ANTXR1: variants seen among roughly 807,000 people sequenced by gnomAD.
The protein encoded by ANTXR1 is ANTXR cell adhesion molecule 1.
ANTXR1 carries 19 observed loss-of-function variants against 78.1 expected under a neutral mutation model. That is an observed-to-expected ratio of 0.24 (90% CI 0.17 to 0.36). ANTXR1 has a LOEUF of 0.36. Among genes scored for constraint, ANTXR1 ranks in the 10% least tolerant of loss-of-function variants. The pLI is 1.00. For synonymous variants in ANTXR1, 273 were observed against 260.5 expected, an observed-to-expected ratio of 1.05 and a Z score of -0.46; for missense variants, 518 against 718.6, an observed-to-expected ratio of 0.72 and a Z score of 3.19.
chr2:69,184,758 G>A (rs1467088514), intron 16 of ANTXR1, among the ~76,000 whole-genome samples: 2 of 152,210 alleles, frequency 1.3e-5, no homozygotes, highest in South Asian at 2.1e-4. Context: ...TATCAATTCA[G>A]TGAGTATTCA....
At chr2:69,120,005 G>A (rs775821514) in intron 10 of ANTXR1, among the ~76,000 whole-genome samples, 55 of 152,172 alleles carry the variant, frequency 3.6e-4, no homozygotes, top group Non-Finnish European at 6.5e-4. Context: ...TTAAGATGGG[G>A]TTATGTCCTG....
intron 1 of ANTXR1, among the ~76,000 whole-genome samples, chr2:69,022,380 T>C (rs964609636): frequency 6.6e-6 from 1 of 152,248 alleles, no homozygotes; most frequent in Non-Finnish European, 1.5e-5. Context: ...GTCATTGTGA[T>C]GACCAATAAA....
chr2:69,114,962 T>C (rs1672095004), intron 10 of ANTXR1, among the ~76,000 whole-genome samples: 1 of 152,190 alleles, frequency 6.6e-6, no homozygotes, highest in African/African-American at 2.4e-5. Flanking sequence ...CCCCTCTACA[T>C]TGGGCTAAAG....
At chr2:69,047,354 T>C (rs1424516966) in intron 3 of ANTXR1, among the ~76,000 whole-genome samples, 1 of 138,910 alleles carries the variant, frequency 7.2e-6, no homozygotes, top group Non-Finnish European at 1.5e-5. Flanking sequence ...CTACGATTTG[T>C]GTCTTTTATC....
At chr2:69,069,489 C>T (rs1264035512) in intron 3 of ANTXR1, among the ~76,000 whole-genome samples, 1 of 152,204 alleles carries the variant, frequency 6.6e-6, no homozygotes, top group Non-Finnish European at 1.5e-5. Context: ...CATAGGTTCC[C>T]AGACAGTGTT....
intron 12 of ANTXR1, among the ~76,000 whole-genome samples, chr2:69,143,093 A>G (rs1028703709): frequency 3.3e-5 from 5 of 152,232 alleles, no homozygotes; most frequent in African/African-American, 1.2e-4. Flanking sequence ...ATCTATCAGA[A>G]TATCATTTTA....
intron 12 of ANTXR1, among the ~76,000 whole-genome samples, chr2:69,137,735 G>A (rs6734728): frequency 0.02 from 2,981 of 148,500 alleles, 122 homozygotes; most frequent in African/African-American, 0.07. Flanking sequence ...TCTGCAGTAG[G>A]TCATGATTGC....
intron 12 of ANTXR1, among the ~76,000 whole-genome samples, chr2:69,127,786 A>C (rs1003620381): frequency 3.9e-5 from 6 of 152,132 alleles, no homozygotes; most frequent in Non-Finnish European, 8.8e-5. Context: ...AGAATGTCCC[A>C]AGGGTTTTGG....
At chr2:69,086,530 A>G (rs1249453385) in intron 8 of ANTXR1, among the ~76,000 whole-genome samples, 1 of 152,256 alleles carries the variant, frequency 6.6e-6, no homozygotes, top group Non-Finnish European at 1.5e-5. Flanking sequence ...ATGGATTTCA[A>G]ACATACTTTT....
At chr2:69,066,292 CTTTCT>C (rs897623736) in intron 3 of ANTXR1, among the ~76,000 whole-genome samples, 6 of 150,772 alleles carry the variant, frequency 4.0e-5, no homozygotes, top group Middle Eastern at 3.2e-3. Context: ...ATTTTTTTTT[CTTTCT>C]TTTATTTATT....
intron 3 of ANTXR1, among the ~76,000 whole-genome samples, chr2:69,059,465 T>G (rs1428129817): frequency 6.6e-6 from 1 of 150,656 alleles, no homozygotes; most frequent in Non-Finnish European, 1.5e-5. Flanking sequence ...TAAAGTATTT[T>G]TCATCGAAGT....
In ANTXR1 at chr2:69,044,725, C is replaced by T; in HGVS notation, c.225-17C>T. 1 of 1,613,474 alleles carries T rather than the reference C, an allele frequency of 6.2e-7. No homozygotes were observed. The highest frequency in any genetic ancestry group is 1.7e-5 in the Admixed American group (1 of 59,982). On this transcript the variant is annotated splice_polypyrimidine_tract_variant and intron_variant, in intron 2 of 17. Transcript: ENST00000303714. Reference sequence around the variant, plus strand: ...AGTCTTATTGTCTGTCCTAATAGAGCTTCTTTTCCTTTCCAGCCCACAGTT... The same window carrying T: ...AGTCTTATTGTCTGTCCTAATAGAGTTTCTTTTCCTTTCCAGCCCACAGTT...
chr2:69,114,910 C>G (rs776804374), intron 10 of ANTXR1, among the ~76,000 whole-genome samples: 65 of 152,340 alleles, frequency 4.3e-4, no homozygotes, highest in Non-Finnish European at 7.1e-4. Flanking sequence ...GGGCATTACA[C>G]CAGTACCCTG....
intron 8 of ANTXR1, among the ~76,000 whole-genome samples, chr2:69,080,358 T>G (rs993761270): frequency 6.6e-6 from 1 of 152,192 alleles, no homozygotes; most frequent in Non-Finnish European, 1.5e-5. Flanking sequence ...CCCAGCTTGT[T>G]CCCATGAATG....
chr2:69,096,263 A>G (rs190254585), intron 9 of ANTXR1, among the ~76,000 whole-genome samples: 3 of 8,972 alleles, frequency 3.3e-4, no homozygotes, highest in Non-Finnish European at 5.8e-4. Context: ...GTCAAAAGGA[A>G]GGAAGGAAGG....
intron 3 of ANTXR1, among the ~76,000 whole-genome samples, chr2:69,066,272 T>C (rs1408733245): frequency 6.6e-6 from 1 of 152,078 alleles, no homozygotes; most frequent in African/African-American, 2.4e-5. Context: ...TCTATGTGTG[T>C]CCATCTTTTA....
At chr2:69,035,105 G>T (rs774940651) in intron 1 of ANTXR1, among the ~76,000 whole-genome samples, 10 of 152,058 alleles carry the variant, frequency 6.6e-5, no homozygotes, top group Non-Finnish European at 2.9e-5. Context: ...TCAACAGAAA[G>T]TCTAAACTGA....
chr2:69,179,425 T>TATG (rs1674217897), intron 14 of ANTXR1, among the ~76,000 whole-genome samples: 1 of 151,522 alleles, frequency 6.6e-6, no homozygotes, highest in South Asian at 2.1e-4. Context: ...TATGTGTCTG[T>TATG]AGTCCCAGCT....
chr2:69,245,774 A>G lies in ANTXR1; in HGVS notation c.*289A>G. ...ACTGCAAGATGCTCTCAACAGGATT[A>G]TGTCTCATGGAGACCAGTAAGAAAA... On this transcript the variant is annotated 3_prime_UTR_variant, in exon 18 of 18. Transcript: ENST00000303714. The G allele has an allele frequency of 2.6e-6, 1 of 389,182 alleles. No individual in the cohort carries two copies. The highest frequency in any genetic ancestry group is 4.6e-6 in the Non-Finnish European group (1 of 216,052). 24.1% of individuals were successfully genotyped at this position (389,182 alleles called of 1,614,324 possible). A position where few individuals can be genotyped will look rare whatever the true frequency, so the allele number is the denominator to read the frequency against.
Sources: allele counts gnomAD v4.1 joint callset (sites outside exome capture counted in the v4.1 genomes callset), GRCh38; gene constraint gnomAD v4.1.1; transcripts MANE v1.5; gene names NCBI Gene and HGNC (gene_info 2026-07-23, HGNC 2026-07-21).